TRAF3IP1: variants seen among roughly 807,000 people sequenced by gnomAD.
TRAF3IP1 encodes intraflagellar transport 54, also known as TRAF3-interacting protein 1.
A neutral mutation model predicts 89.9 loss-of-function variants in TRAF3IP1; 53 were observed. That is an observed-to-expected ratio of 0.59 (90% CI 0.47 to 0.74). The LOEUF is 0.74. Among genes scored for constraint, TRAF3IP1 ranks in the 30% least tolerant of loss-of-function variants. TRAF3IP1 has a pLI of 0.00. For synonymous variants in TRAF3IP1, 311 were observed against 322.1 expected, an observed-to-expected ratio of 0.97 and a Z score of 0.37; for missense variants, 806 against 866.1, an observed-to-expected ratio of 0.93 and a Z score of 0.87.
intron 15 of TRAF3IP1, among the ~76,000 whole-genome samples, chr2:238,371,981 A>G (rs1362877651): frequency 6.6e-6 from 1 of 152,368 alleles, no homozygotes; most frequent in East Asian, 1.9e-4. Context: ...GTATAACTAC[A>G]GAATTGAATG....
At chr2:238,325,998 C>A in intron 3 of TRAF3IP1, 28 bp downstream of exon 3, 2 of 1,598,288 alleles carry the variant, frequency 1.3e-6, no homozygotes, top group Non-Finnish European at 1.7e-6. Context: ...GCATTTTGAA[C>A]TTACTTAGTA....
chr2:238,398,992 T>C lies in TRAF3IP1; in HGVS notation c.*73T>C. 7.4e-7 allele frequency: 1 copy of C among 1,354,438 alleles called. No individual in the cohort carries two copies. Among genetic ancestry groups the C allele is most frequent in the Admixed American group, 2.4e-5 (1 of 41,934 alleles). The allele number at this position is 1,354,438 out of a possible 1,614,324, so 83.9% of individuals were successfully genotyped here. A position where few individuals can be genotyped will look rare whatever the true frequency, so the allele number is the denominator to read the frequency against. ...AAAGGAAGATAGAAAATCATTACTC[T>C]TTTAAGTTCCAGTTTGCTAAGAAAA... On this transcript the variant is annotated 3_prime_UTR_variant, in exon 17 of 17. Transcript: ENST00000373327.
Position 238,397,492 on chromosome 2 carries a change from G to C in TRAF3IP1, c.1723G>C (p.Glu575Gln), listed in dbSNP as rs2106386359. ...TCTCTTTGAGTCGGCATGGAAGAAG[G>C]AGAAGGACATCGTTTCCAAGGAGAT... Reference protein sequence around the residue: ...RSLFESAWKKEKDIVSKEIEK... With the variant: ...RSLFESAWKKQKDIVSKEIEK... The change falls in exon 16 of 17, where the codon GAG becomes CAG. Residue 575 changes from glutamate to glutamine, a missense_variant. Coordinates refer to ENST00000373327, the MANE Select transcript of TRAF3IP1 (RefSeq NM_015650.4). 1 of 1,613,072 alleles carries C rather than the reference G, an allele frequency of 6.2e-7. No individual in the cohort carries two copies. Among genetic ancestry groups the C allele is most frequent in the Non-Finnish European group, 8.5e-7 (1 of 1,179,930 alleles).
At position 238,332,808 on chromosome 2, in the gene TRAF3IP1, T is replaced by C. The variant is rs753771561; in HGVS notation, c.916-16T>C. The C allele has an allele frequency of 1.6e-5, 26 of 1,585,900 alleles. 1 individual carries two copies. The Admixed American group carries it at 4.6e-4, about 28-fold the overall frequency. The stretch of plus-strand genomic sequence containing the variant: ...TGGAATAATTCTAAAGTTTGAATTT[T>C]TTTTTTTTTTAATAGTCAGCAAGCT... On this transcript the variant is annotated splice_polypyrimidine_tract_variant and intron_variant, in intron 5 of 16. Coordinates refer to ENST00000373327, the MANE Select transcript of TRAF3IP1 (RefSeq NM_015650.4).
At chr2:238,384,558 G>GT (rs1700685779) in intron 15 of TRAF3IP1, among the ~76,000 whole-genome samples, 2 of 71,464 alleles carry the variant, frequency 2.8e-5, no homozygotes, top group African/African-American at 5.4e-5. Flanking sequence ...TTTTTTTTTT[G>GT]TATTTTTTTT....
chr2:238,385,324 C>T (rs558877000), intron 15 of TRAF3IP1, among the ~76,000 whole-genome samples: 21 of 152,258 alleles, frequency 1.4e-4, no homozygotes, highest in Middle Eastern at 3.4e-3. Flanking sequence ...CCTGTAGCAT[C>T]GTTTAAGTGT....
Position 238,390,258 on chromosome 2 carries a change from C to T in TRAF3IP1, c.1690-7201C>T, listed in dbSNP as rs536555193. Among the ~76,000 whole-genome samples the T allele has an allele frequency of 9.2e-5, 14 of 152,222 alleles. No individual in the cohort carries two copies. The South Asian group carries it at 2.1e-3, about 23-fold the overall frequency. On this transcript the variant is annotated intron_variant, in intron 15 of 16. Transcript: ENST00000373327. Reference sequence around the variant, plus strand: ...TGGTGAGGGTGCCACAAAAAGGTGCCGTGGGTGGTTCTGCGATGTTCACAG... The same window carrying T: ...TGGTGAGGGTGCCACAAAAAGGTGCTGTGGGTGGTTCTGCGATGTTCACAG...
At chr2:238,327,144 G>A (rs553489994) in intron 3 of TRAF3IP1, among the ~76,000 whole-genome samples, 8 of 152,196 alleles carry the variant, frequency 5.3e-5, no homozygotes, top group East Asian at 1.9e-4. Flanking sequence ...CAGTCGCCAC[G>A]CACCCCTGCA....
chr2:238,344,636 C>A, intron 9 of TRAF3IP1, 38 bp downstream of exon 9: 1 of 1,560,210 alleles, frequency 6.4e-7, no homozygotes, highest in Non-Finnish European at 8.8e-7. Flanking sequence ...CTGGCGAGAG[C>A]AGAGTGAGCC....
At chr2:238,392,750 A>G (rs923180207) in intron 15 of TRAF3IP1, among the ~76,000 whole-genome samples, 2 of 151,892 alleles carry the variant, frequency 1.3e-5, no homozygotes, top group Admixed American at 6.6e-5. Context: ...CTAACTTTGT[A>G]TTTTTAGTAT....
intron 3 of TRAF3IP1, among the ~76,000 whole-genome samples, chr2:238,327,063 TC>T (rs1283717668): frequency 3.3e-5 from 5 of 152,214 alleles, no homozygotes; most frequent in African/African-American, 1.2e-4. Flanking sequence ...CTTGTGAGGC[TC>T]CTAGAGACCT....
intron 1 of TRAF3IP1, among the ~76,000 whole-genome samples, chr2:238,323,679 G>A (rs1241645662): frequency 6.6e-6 from 1 of 152,162 alleles, no homozygotes; most frequent in Non-Finnish European, 1.5e-5. Context: ...AGCTGACCTA[G>A]GATATGTGGC....
In TRAF3IP1 at chr2:238,398,954, A is replaced by C; in HGVS notation, c.*35A>C. On this transcript the variant is annotated 3_prime_UTR_variant, in exon 17 of 17. Coordinates refer to ENST00000373327, the MANE Select transcript of TRAF3IP1 (RefSeq NM_015650.4). ...AGTTTCAGAGATGAAAAGTCACCTC[A>C]GTTTAAAAGCAAAAAGGAAGATAGA... 1 of 1,554,718 alleles carries C rather than the reference A, an allele frequency of 6.4e-7. No individual in the cohort carries two copies. Among genetic ancestry groups the C allele is most frequent in the Non-Finnish European group, 8.7e-7 (1 of 1,153,906 alleles).
At chr2:238,364,443 T>G (rs1165862264) in intron 15 of TRAF3IP1, among the ~76,000 whole-genome samples, 1 of 151,996 alleles carries the variant, frequency 6.6e-6, no homozygotes, top group Non-Finnish European at 1.5e-5. Flanking sequence ...AAGAAGTTTT[T>G]GAAAAACCAT....
chr2:238,367,978 T>C (rs906142004), intron 15 of TRAF3IP1, among the ~76,000 whole-genome samples: 1 of 137,304 alleles, frequency 7.3e-6, no homozygotes, highest in Non-Finnish European at 1.6e-5. Flanking sequence ...AGCTTCCCTT[T>C]GAAAAAAAAA....
intron 15 of TRAF3IP1, 72 bp from the exon 16 acceptor site, chr2:238,397,387 T>C: frequency 7.3e-7 from 1 of 1,379,176 alleles, no homozygotes; most frequent in Non-Finnish European, 1.0e-6. Context: ...GGCCGTGTGC[T>C]GAGTGCACCG....
chr2:238,398,311 C>A (rs1701331394), intron 16 of TRAF3IP1, among the ~76,000 whole-genome samples: 1 of 124,176 alleles, frequency 8.1e-6, no homozygotes, highest in African/African-American at 3.1e-5. Context: ...GGGAGGAGGC[C>A]CTGCAGCAGG....
intron 15 of TRAF3IP1, among the ~76,000 whole-genome samples, chr2:238,359,487 G>T (rs1405050909): frequency 6.6e-6 from 1 of 151,592 alleles, no homozygotes; most frequent in Non-Finnish European, 1.5e-5. Context: ...TTTTTTTTCA[G>T]TCTGGCCGTT....
intron 8 of TRAF3IP1, among the ~76,000 whole-genome samples, chr2:238,341,045 G>A (rs575387836): frequency 8.3e-4 from 126 of 152,206 alleles, no homozygotes; most frequent in African/African-American, 3.0e-3. Flanking sequence ...TTTTGAGACA[G>A]GGCTTTGCTC....
Sources: allele counts gnomAD v4.1 joint callset (sites outside exome capture counted in the v4.1 genomes callset), GRCh38; gene constraint gnomAD v4.1.1; transcripts MANE v1.5; gene names NCBI Gene and HGNC (gene_info 2026-07-23, HGNC 2026-07-21).